Variants in MYO18B observed in about 807,000 individuals in gnomAD.
MYO18B encodes the protein unconventional myosin-XVIIIb.
MYO18B carries 204 observed loss-of-function variants against 273.0 expected under a neutral mutation model. That is an observed-to-expected ratio of 0.75 (90% CI 0.67 to 0.84). The LOEUF is 0.84. Among genes scored for constraint, MYO18B ranks in the 40% least tolerant of loss-of-function variants. The probability of loss-of-function intolerance (pLI) is 0.00; values close to 1 mark genes in which losing one functional copy is unlikely to be tolerated. For missense variants in MYO18B, 3,212 were observed against 3,287.6 expected, an observed-to-expected ratio of 0.98 and a Z score of 0.56; for synonymous variants, 1,330 against 1,305.7, an observed-to-expected ratio of 1.02 and a Z score of -0.40.
intron 12 of MYO18B, among the ~76,000 whole-genome samples, chr22:25,814,663 A>G (rs900358497): frequency 3.9e-5 from 6 of 152,162 alleles, no homozygotes; most frequent in East Asian, 3.9e-4. Flanking sequence ...GTGATGGCTC[A>G]GTGAGAACTC....
chr22:25,924,249 C>T (rs1324135010), intron 34 of MYO18B, among the ~76,000 whole-genome samples: 1 of 152,140 alleles, frequency 6.6e-6, no homozygotes, highest in Non-Finnish European at 1.5e-5. Flanking sequence ...CCTGAAGGCT[C>T]CAGGGACATA....
the MYO18B span, among the ~76,000 whole-genome samples, chr22:26,042,146 G>A: frequency 6.6e-6 from 1 of 152,224 alleles, no homozygotes; most frequent in Non-Finnish European, 1.5e-5. Context: ...ACTGCGCCCT[G>A]GGTTCACTCC....
At chr22:25,944,931 T>A (rs548645545) in intron 34 of MYO18B, among the ~76,000 whole-genome samples, 5 of 151,638 alleles carry the variant, frequency 3.3e-5, no homozygotes, top group African/African-American at 1.2e-4. Context: ...TGCATGAATA[T>A]GGGTTTCTCC....
intron 32 of MYO18B, among the ~76,000 whole-genome samples, chr22:25,909,918 CTT>C (rs1317402327): frequency 2.6e-5 from 4 of 152,116 alleles, no homozygotes; most frequent in Non-Finnish European, 4.4e-5. Flanking sequence ...AGAGTATGCA[CTT>C]CGGATTTTCC....
At chr22:25,817,235 T>G (rs190864080) in intron 12 of MYO18B, among the ~76,000 whole-genome samples, 73 of 151,950 alleles carry the variant, frequency 4.8e-4, no homozygotes, top group Non-Finnish European at 8.2e-4. Flanking sequence ...GTTCTTTCTC[T>G]CTTTCTCTCT....
chr22:25,881,742 C>G (rs888902176), intron 25 of MYO18B, among the ~76,000 whole-genome samples: 4 of 152,218 alleles, frequency 2.6e-5, no homozygotes, highest in Admixed American at 2.6e-4. Context: ...CCAACACCTA[C>G]AGAATATTCT....
At chr22:25,781,644 C>G in intron 9 of MYO18B, 90 bp from the exon 10 acceptor site, 2 of 594,492 alleles carry the variant, frequency 3.4e-6, no homozygotes, top group South Asian at 4.1e-5. Flanking sequence ...CAGAGTGGGG[C>G]ACCCCAATGG....
chr22:26,011,449 C>A, intron 42 of MYO18B, among the ~76,000 whole-genome samples: 1 of 152,122 alleles, frequency 6.6e-6, no homozygotes, highest in Non-Finnish European at 1.5e-5. Flanking sequence ...AAGGGCCTTA[C>A]CTGAAGCAGG....
chr22:25,941,519 C>G (rs535454508), intron 34 of MYO18B, among the ~76,000 whole-genome samples: 10 of 152,364 alleles, frequency 6.6e-5, no homozygotes, highest in East Asian at 1.9e-4. Context: ...GATCTGATCT[C>G]TGTCCTTAAC....
At chr22:25,805,261 C>T (rs2088416121) in intron 12 of MYO18B, among the ~76,000 whole-genome samples, 1 of 152,194 alleles carries the variant, frequency 6.6e-6, no homozygotes, top group Non-Finnish European at 1.5e-5. Context: ...CCAGGAGAAA[C>T]CACTTGCCCA....
chr22:25,799,464 G>A lies in MYO18B; in HGVS notation c.2521+1367G>A, dbSNP rs530863939. The stretch of plus-strand genomic sequence containing the variant: ...TGGGGCCTTTGGTGCATTGTATTAT[G>A]ATTGTGACTTTGTCTAGCTCTTATC... On this transcript the variant is annotated intron_variant, in intron 12 of 43. Coordinates refer to ENST00000335473, the MANE Select transcript of MYO18B (RefSeq NM_032608.7). Among the ~76,000 whole-genome samples the A allele has an allele frequency of 5.9e-5, 9 of 152,244 alleles. No homozygotes were observed. The South Asian group carries it at 1.0e-3, about 18-fold the overall frequency.
intron 11 of MYO18B, among the ~76,000 whole-genome samples, chr22:25,797,517 A>G (rs1247309379): frequency 6.6e-6 from 1 of 152,140 alleles, no homozygotes. Flanking sequence ...CCCTACCTAT[A>G]GACCCTATAT....
In MYO18B at chr22:25,785,480, G is replaced by T; in HGVS notation, c.2365G>T (p.Val789Leu). 1 of 1,612,086 alleles carries T rather than the reference G, an allele frequency of 6.2e-7. No homozygotes were observed. The highest frequency in any genetic ancestry group is 2.2e-5 in the East Asian group (1 of 44,846). The change falls in exon 11 of 44, where the codon GTG becomes TTG. Residue 789 changes from valine (V) to leucine (L), a missense_variant. Transcript: ENST00000335473. ...AGATAGCAGCTCCTTTGGCATGGGC[G>T]TGTGGTCCAAGGTAAGGAGGAGGTC... is the stretch of plus-strand genomic sequence containing the variant. ...MADSSSFGMGVWSKPEDKQKA... is the reference protein window; with the variant it reads ...MADSSSFGMGLWSKPEDKQKA...
Position 25,768,523 on chromosome 22 carries a change from C to A in MYO18B, c.607C>A (p.Gln203Lys). Reference sequence around the variant, plus strand: ...GACCTCTAGGACTCCTTGTGGCTCCCAGGCCAGCACCGAGATCTTGGCCCC... The same window carrying A: ...GACCTCTAGGACTCCTTGTGGCTCCAAGGCCAGCACCGAGATCTTGGCCCC... The part of the protein sequence containing the change: ...GETSRTPCGS[Q>K]ASTEILAPKA... Residue 203 changes from glutamine (Q) to lysine (K), a missense_variant, in exon 4 of 44, where the codon CAG (glutamine) becomes AAG (lysine). Gln to Lys is a moderately conservative substitution (Grantham distance 53, BLOSUM62 1). Transcript: ENST00000335473. The A allele has an allele frequency of 3.2e-6, 5 of 1,563,574 alleles. No homozygotes were observed. The highest frequency in any genetic ancestry group is 4.3e-6 in the Non-Finnish European group (5 of 1,157,288).
Position 25,921,255 on chromosome 22 carries a change from A to G in MYO18B, c.5365-2A>G. 6.5e-7 allele frequency: 1 copy of G among 1,550,332 alleles called. No individual in the cohort carries two copies. The highest frequency in any genetic ancestry group is 8.7e-7 in the Non-Finnish European group (1 of 1,145,514). The stretch of plus-strand genomic sequence containing the variant: ...GCTCATGGGTCTCCCTTTGGCTTTC[A>G]GATTGGCCATCGGGACTTTGATGTG... On this transcript the variant is annotated splice_acceptor_variant, in intron 33 of 43. Coordinates refer to ENST00000335473, the MANE Select transcript of MYO18B (RefSeq NM_032608.7). LOFTEE classifies it high-confidence loss of function.
chr22:25,802,801 C>A (rs1310260463), intron 12 of MYO18B, among the ~76,000 whole-genome samples: 1 of 151,424 alleles, frequency 6.6e-6, no homozygotes, highest in East Asian at 1.9e-4. Context: ...AGCTATTGCC[C>A]TCTAAACACC....
At chr22:25,977,906 G>T (rs1302215204) in intron 39 of MYO18B, among the ~76,000 whole-genome samples, 1 of 152,178 alleles carries the variant, frequency 6.6e-6, no homozygotes, top group East Asian at 1.9e-4. Context: ...AGACTTGCTT[G>T]GGGTCACGTT....
At chr22:25,871,469 G>A (rs1274408232) in intron 22 of MYO18B, among the ~76,000 whole-genome samples, 1 of 152,138 alleles carries the variant, frequency 6.6e-6, no homozygotes, top group Non-Finnish European at 1.5e-5. Context: ...CTAATTCCTT[G>A]GCGGTACCAG....
intron 28 of MYO18B, 25 bp from the exon 29 acceptor site, chr22:25,898,282 G>A (rs748118268): frequency 6.2e-7 from 1 of 1,606,006 alleles, no homozygotes; most frequent in Admixed American, 1.7e-5. Flanking sequence ...ACAGAGCCGG[G>A]TAATTCATTC....
Sources: gnomAD v4.1 joint callset for allele counts (sites outside exome capture counted in the v4.1 genomes callset) on GRCh38, gnomAD v4.1.1 for gene constraint, MANE v1.5 for transcripts, NCBI Gene and HGNC (gene_info 2026-07-23, HGNC 2026-07-21) for gene names.